Variants in CAPN3 observed in about 807,000 individuals in gnomAD.
CAPN3 encodes calpain 3.
CAPN3 carries 88 observed loss-of-function variants against 114.0 expected under a neutral mutation model. That is an observed-to-expected ratio of 0.77 (90% CI 0.65 to 0.92). The LOEUF (loss-of-function observed/expected upper bound fraction) is 0.92. Among genes scored for constraint, CAPN3 ranks in the 40% least tolerant of loss-of-function variants. The pLI, the probability that CAPN3 is intolerant of heterozygous loss-of-function variation, is 0.00. For synonymous variants in CAPN3, 386 were observed against 382.9 expected (o/e 1.01, Z -0.09); for missense variants, 1,028 against 1,069.0 (o/e 0.96, Z 0.53).
intron 8 of CAPN3, among the ~76,000 whole-genome samples, chr15:42,395,611 C>T (rs1389261472): frequency 6.6e-6 from 1 of 152,170 alleles, no homozygotes; most frequent in African/African-American, 2.4e-5. Flanking sequence ...TTGTCTACTT[C>T]ACTGGCCCAA....
chr15:42,401,635 G>C lies in CAPN3; in HGVS notation c.1355-6G>C, dbSNP rs28364485. On this transcript the variant is annotated splice_polypyrimidine_tract_variant and splice_region_variant and intron_variant, in intron 10 of 23. Coordinates refer to ENST00000397163, the MANE Select transcript of CAPN3 (RefSeq NM_000070.3). ...GTGAATGCGTGCTTCCTTTCTGGGGGTGCAGATACTTTCTGGACCAACCCT... is the reference window on the plus strand; with the variant it reads ...GTGAATGCGTGCTTCCTTTCTGGGGCTGCAGATACTTTCTGGACCAACCCT... 6.8e-6 allele frequency: 11 copies of C among 1,614,056 alleles called. No homozygotes were observed. Among genetic ancestry groups the C allele is most frequent in the Non-Finnish European group, 9.3e-6 (11 of 1,179,994 alleles).
At chr15:42,382,860 G>A (rs2068298804) in intron 1 of CAPN3, among the ~76,000 whole-genome samples, 1 of 151,908 alleles carries the variant, frequency 6.6e-6, no homozygotes, top group Non-Finnish European at 1.5e-5. Context: ...CCTTTGCTTC[G>A]GTTTGCTTTC....
chr15:42,399,305 A>G (rs2053797355), intron 9 of CAPN3, among the ~76,000 whole-genome samples, 187 bp from the exon 10 acceptor site: 1 of 152,128 alleles, frequency 6.6e-6, no homozygotes, highest in Non-Finnish European at 1.5e-5. Context: ...AGAAAAGATG[A>G]TGGTTTGGAG....
intron 1 of CAPN3, among the ~76,000 whole-genome samples, chr15:42,361,331 G>A (rs1247471466): frequency 6.6e-6 from 1 of 152,056 alleles, no homozygotes; most frequent in Non-Finnish European, 1.5e-5. Context: ...AATTATCCAG[G>A]CATGGTGGCA....
intron 7 of CAPN3, 38 bp downstream of exon 7, chr15:42,392,760 C>A (rs1399054771): frequency 2.0e-6 from 3 of 1,532,990 alleles, no homozygotes; most frequent in Non-Finnish European, 2.7e-6. Context: ...AGGGCACCCT[C>A]CTGGGTTAAC....
chr15:42,386,393 G>T, intron 3 of CAPN3, 108 bp downstream of exon 3: 1 of 827,096 alleles, frequency 1.2e-6, no homozygotes, highest in Non-Finnish European at 2.1e-6. Context: ...CCATCTACCC[G>T]CAGCGGCAAC....
At chr15:42,396,295 T>C (rs998015051) in intron 8 of CAPN3, among the ~76,000 whole-genome samples, 1 of 147,012 alleles carries the variant, frequency 6.8e-6, no homozygotes, top group African/African-American at 2.6e-5. Flanking sequence ...CAGGCTGGAG[T>C]GCAATGGCGC....
chr15:42,389,868 T>C (rs1197744118), intron 5 of CAPN3, 85 bp from the exon 6 acceptor site: 20 of 1,407,912 alleles, frequency 1.4e-5, no homozygotes, highest in Non-Finnish European at 1.9e-5. Context: ...CCCATCTCTT[T>C]CTCCTCTCTC....
chr15:42,389,804 T>C, intron 5 of CAPN3, 149 bp from the exon 6 acceptor site: 1 of 875,974 alleles, frequency 1.1e-6, no homozygotes, highest in Non-Finnish European at 1.8e-6. Flanking sequence ...ATCACTTTTC[T>C]CCGTCTTTCC....
chr15:42,392,933 C>G (rs1489340458), intron 7 of CAPN3, among the ~76,000 whole-genome samples: 1 of 152,200 alleles, frequency 6.6e-6, no homozygotes, highest in African/African-American at 2.4e-5. Flanking sequence ...TTTATCTTTG[C>G]TTTTCGTGCT....
intron 1 of CAPN3, among the ~76,000 whole-genome samples, chr15:42,360,619 CA>C (rs1280162567): frequency 3.9e-5 from 6 of 152,116 alleles, no homozygotes; most frequent in African/African-American, 1.4e-4. Context: ...GAGTCATAGG[CA>C]AGGAATATTT....
At chr15:42,380,307 C>G (rs541064877) in intron 1 of CAPN3, among the ~76,000 whole-genome samples, 12 of 146,594 alleles carry the variant, frequency 8.2e-5, no homozygotes, top group African/African-American at 2.8e-4. Context: ...TCTGGCTTCT[C>G]TGATTTAACT....
intron 1 of CAPN3, among the ~76,000 whole-genome samples, chr15:42,362,735 T>A (rs1445860017): frequency 6.6e-6 from 1 of 152,234 alleles, no homozygotes; most frequent in East Asian, 1.9e-4. Flanking sequence ...AAATGACTTA[T>A]CTACAGCCAC....
intron 1 of CAPN3, among the ~76,000 whole-genome samples, chr15:42,379,072 G>A (rs1047191703): frequency 5.3e-5 from 8 of 152,136 alleles, no homozygotes; most frequent in Non-Finnish European, 1.0e-4. Context: ...CTAGCACTTT[G>A]GGAAGCTGAA....
chr15:42,409,253 C>T (rs1595845379), intron 16 of CAPN3, 50 bp from the exon 17 acceptor site: 1 of 1,564,608 alleles, frequency 6.4e-7, no homozygotes, highest in South Asian at 1.1e-5. Flanking sequence ...GCCTCACAGG[C>T]CTGTGCACCT....
intron 16 of CAPN3, chr15:42,409,034 T>C: frequency 2.0e-6 from 1 of 497,350 alleles, no homozygotes; most frequent in Non-Finnish European, 3.6e-6. Flanking sequence ...AGGGGGCTCT[T>C]GCAGGTGGGG....
At position 42,411,966 on chromosome 15, in the gene CAPN3, A is replaced by G; in HGVS notation, c.*193A>G. On this transcript the variant is annotated 3_prime_UTR_variant, in exon 24 of 24. Transcript: ENST00000397163. The stretch of plus-strand genomic sequence containing the variant: ...TCGGTCATGCCTAGCCTGACCCTTT[A>G]GTAAAGCAATGAGGTAGGAAGAACA... 1 of 1,516,636 alleles carries G rather than the reference A, an allele frequency of 6.6e-7. No individual in the cohort carries two copies. The highest frequency in any genetic ancestry group is 8.8e-7 in the Non-Finnish European group (1 of 1,130,326). 93.9% of individuals were successfully genotyped at this position (1,516,636 alleles called of 1,614,324 possible). A position where few individuals can be genotyped will look rare whatever the true frequency, so the allele number is the denominator to read the frequency against.
intron 3 of CAPN3, 102 bp downstream of exon 3, chr15:42,386,387 C>A: frequency 1.2e-6 from 1 of 841,720 alleles, no homozygotes; most frequent in Non-Finnish European, 2.1e-6. Flanking sequence ...TCCCACCCAT[C>A]TACCCGCAGC....
At chr15:42,386,666 G>A (rs181187038) in intron 3 of CAPN3, among the ~76,000 whole-genome samples, 23 of 152,290 alleles carry the variant, frequency 1.5e-4, no homozygotes, top group South Asian at 6.2e-4. Flanking sequence ...CAGGGCTCCT[G>A]TATACTTCTT....
Sources: gnomAD v4.1 joint callset for allele counts (sites outside exome capture counted in the v4.1 genomes callset) on GRCh38, gnomAD v4.1.1 for gene constraint, MANE v1.5 for transcripts, NCBI Gene and HGNC (gene_info 2026-07-23, HGNC 2026-07-21) for gene names.